Variants in TIAM1 observed in about 807,000 individuals in gnomAD.
TIAM1 encodes rho guanine nucleotide exchange factor TIAM1.
A neutral mutation model predicts 163.5 loss-of-function variants in TIAM1; 65 were observed. The ratio of observed to expected loss-of-function variants is 0.40; its 90% CI spans 0.33 to 0.49. The LOEUF (loss-of-function observed/expected upper bound fraction) is 0.49. Ranked by LOEUF, TIAM1 falls within the 20% of genes least tolerant of loss-of-function variation. TIAM1 has a pLI of 0.77. For missense variants in TIAM1, 1,789 were observed against 2,044.7 expected, an observed-to-expected ratio of 0.87 and a Z score of 2.41; for synonymous variants, 833 against 810.1, an observed-to-expected ratio of 1.03 and a Z score of -0.48.
chr21:31,469,072 C>A (rs2045641038), intron 1 of TIAM1, among the ~76,000 whole-genome samples: 1 of 142,546 alleles, frequency 7.0e-6, no homozygotes, highest in Non-Finnish European at 1.5e-5. Flanking sequence ...CCCAGTGGAA[C>A]CAATCCCTTT....
chr21:31,423,108 T>C (rs1353736835), intron 2 of TIAM1, among the ~76,000 whole-genome samples: 1 of 140,304 alleles, frequency 7.1e-6, no homozygotes, highest in Non-Finnish European at 1.5e-5. Flanking sequence ...TTTTTTTTTT[T>C]TTTTTTTTGA....
At chr21:31,489,782 C>T (rs2046405909) in intron 1 of TIAM1, among the ~76,000 whole-genome samples, 1 of 152,128 alleles carries the variant, frequency 6.6e-6, no homozygotes, top group Admixed American at 6.5e-5. Context: ...AGAGGGAGAG[C>T]CCTGGAGGGG....
chr21:31,523,538 C>T (rs1539759), intron 1 of TIAM1, among the ~76,000 whole-genome samples: 96,477 of 151,996 alleles, frequency 0.63, 30,926 homozygotes, highest in East Asian at 0.96. Flanking sequence ...CTGAAGCCTC[C>T]AGGCTCAACC....
chr21:31,403,663 C>T (rs1263666930), intron 2 of TIAM1, among the ~76,000 whole-genome samples: 1 of 152,102 alleles, frequency 6.6e-6, no homozygotes, highest in Non-Finnish European at 1.5e-5. Context: ...ACATAACATA[C>T]AAACAGATGC....
intron 2 of TIAM1, among the ~76,000 whole-genome samples, chr21:31,430,644 T>C (rs1394937090): frequency 6.6e-6 from 1 of 152,086 alleles, no homozygotes; most frequent in African/African-American, 2.4e-5. Context: ...CTTAAAGTTT[T>C]CTGTAGATTT....
intron 2 of TIAM1, among the ~76,000 whole-genome samples, chr21:31,437,590 A>T (rs1362878559): frequency 6.6e-6 from 1 of 151,984 alleles, no homozygotes. Flanking sequence ...ATAATCCCCA[A>T]TGTTGGAGAA....
At chr21:31,518,692 C>A (rs1056829039) in intron 1 of TIAM1, among the ~76,000 whole-genome samples, 3 of 152,038 alleles carry the variant, frequency 2.0e-5, no homozygotes, top group Non-Finnish European at 4.4e-5. Context: ...CCAGTATCAC[C>A]CCCACTGTAA....
chr21:31,530,987 A>G (rs1848130296), intron 1 of TIAM1, among the ~76,000 whole-genome samples: 1 of 152,120 alleles, frequency 6.6e-6, no homozygotes, highest in Non-Finnish European at 1.5e-5. Flanking sequence ...CCCACAGAGT[A>G]GCAACCATGG....
chr21:31,131,688 C>G (rs1418136276), intron 23 of TIAM1, among the ~76,000 whole-genome samples: 1 of 152,162 alleles, frequency 6.6e-6, no homozygotes, highest in Non-Finnish European at 1.5e-5. Flanking sequence ...TCCTGCCTGT[C>G]CTTTGTTCTC....
At chr21:31,173,135 G>C (rs1422800450) in intron 15 of TIAM1, among the ~76,000 whole-genome samples, 1 of 152,108 alleles carries the variant, frequency 6.6e-6, no homozygotes, top group Admixed American at 6.5e-5. Context: ...TTTCATTCAA[G>C]TCCATGTGGG....
At chr21:31,125,827 G>A (rs941845631) in intron 26 of TIAM1, among the ~76,000 whole-genome samples, 1 of 152,178 alleles carries the variant, frequency 6.6e-6, no homozygotes, top group Non-Finnish European at 1.5e-5. Context: ...CGCCTGCCTT[G>A]GCCTCCCAAA....
chr21:31,147,621 T>C (rs2083182327), intron 19 of TIAM1, among the ~76,000 whole-genome samples: 1 of 149,268 alleles, frequency 6.7e-6, no homozygotes, highest in African/African-American at 2.5e-5. Context: ...AGATACTTTG[T>C]ATCCCACACA....
chr21:31,508,040 G>A (rs1413176811), intron 1 of TIAM1, among the ~76,000 whole-genome samples: 2 of 152,218 alleles, frequency 1.3e-5, no homozygotes, highest in African/African-American at 4.8e-5. Flanking sequence ...GACACAGACA[G>A]ACATGGGGAA....
intron 2 of TIAM1, among the ~76,000 whole-genome samples, chr21:31,353,574 C>T (rs1342493576): frequency 6.6e-6 from 1 of 152,092 alleles, no homozygotes; most frequent in African/African-American, 2.4e-5. Context: ...TCTACCTGGT[C>T]CTCATGACAG....
upstream of TIAM1, among the ~76,000 whole-genome samples, chr21:31,347,123 A>G (rs2076161344): frequency 6.6e-6 from 1 of 152,148 alleles, no homozygotes; most frequent in Non-Finnish European, 1.5e-5. Context: ...TCAGGCCTAA[A>G]AATAAAGGGT....
At chr21:31,352,451 T>C (rs768423170) in intron 2 of TIAM1, among the ~76,000 whole-genome samples, 51 of 151,758 alleles carry the variant, frequency 3.4e-4, no homozygotes, top group Non-Finnish European at 6.0e-4. Context: ...ATAGTTAAAA[T>C]GCCAACTTTT....
intron 22 of TIAM1, 121 bp from the exon 23 acceptor site, chr21:31,136,162 A>C (rs2082612975): frequency 4.8e-6 from 4 of 826,728 alleles, no homozygotes; most frequent in Middle Eastern, 2.4e-4. Context: ...TGCTCCTAAA[A>C]ACATTTGCTT....
At chr21:31,288,015 A>T (rs1488198203) in intron 2 of TIAM1, among the ~76,000 whole-genome samples, 11 of 152,104 alleles carry the variant, frequency 7.2e-5, no homozygotes, top group Non-Finnish European at 1.6e-4. Context: ...AAGAAGGAGG[A>T]AGAACAAGGA....
intron 2 of TIAM1, among the ~76,000 whole-genome samples, chr21:31,359,779 C>T (rs2076373988): frequency 7.5e-6 from 1 of 132,492 alleles, no homozygotes; most frequent in African/African-American, 2.8e-5. Flanking sequence ...CAGTCCACAA[C>T]TCTGTCAAAA....
Sources: gnomAD v4.1 joint callset for allele counts (sites outside exome capture counted in the v4.1 genomes callset) on GRCh38, gnomAD v4.1.1 for gene constraint, MANE v1.5 for transcripts, NCBI Gene and HGNC (gene_info 2026-07-23, HGNC 2026-07-21) for gene names.